ABCA13: variants seen among roughly 807,000 people sequenced by gnomAD.
ABCA13 encodes ATP-binding cassette sub-family A member 13.
In ABCA13, 476 loss-of-function variants were observed where a neutral mutation model predicts 478.7. That is an observed-to-expected ratio of 0.99 (90% confidence interval 0.92 to 1.07). The LOEUF (loss-of-function observed/expected upper bound fraction) is 1.07. ABCA13 is among the 50% of genes least tolerant of loss of function. The pLI is 0.00. For synonymous variants in ABCA13, 2,252 were observed against 2,158.9 expected, an observed-to-expected ratio of 1.04 and a Z score of -1.20; for missense variants, 6,060 against 5,910.6, an observed-to-expected ratio of 1.03 and a Z score of -0.83.
chr7:48,281,477 T>G, intron 19 of ABCA13, 25 bp downstream of exon 19: 2 of 1,560,290 alleles, frequency 1.3e-6, no homozygotes, highest in Non-Finnish European at 1.7e-6. Context: ...TAACAAGTGC[T>G]CTGCAATTGC....
At chr7:48,284,340 A>G (rs2128791923) in intron 19 of ABCA13, among the ~76,000 whole-genome samples, 1 of 152,284 alleles carries the variant, frequency 6.6e-6, no homozygotes, top group Non-Finnish European at 1.5e-5. Context: ...TTTTCTTTTA[A>G]GATAATCTGT....
At chr7:48,602,738 T>TG (rs1019773374) in intron 58 of ABCA13, among the ~76,000 whole-genome samples, 7 of 149,644 alleles carry the variant, frequency 4.7e-5, no homozygotes, top group African/African-American at 1.7e-4. Flanking sequence ...AAATTTAAAG[T>TG]GGTTTTTTTT....
chr7:48,578,268 A>T (rs566511786), intron 55 of ABCA13, among the ~76,000 whole-genome samples: 1 of 152,308 alleles, frequency 6.6e-6, no homozygotes, highest in East Asian at 1.9e-4. Flanking sequence ...ATTGTGAAGG[A>T]ATAAATAAAA....
intron 59 of ABCA13, among the ~76,000 whole-genome samples, chr7:48,620,039 G>A (rs1792982739): frequency 6.6e-6 from 1 of 152,168 alleles, no homozygotes; most frequent in African/African-American, 2.4e-5. Context: ...TAGGAATCAG[G>A]AGGCATTTGC....
At position 48,245,931 on chromosome 7, in the gene ABCA13, A is replaced by T. The variant is rs763154443; in HGVS notation, c.1560A>T (p.Gly520=). 3 of 1,613,592 alleles carry T rather than the reference A, an allele frequency of 1.9e-6. No homozygotes were observed. The highest frequency in any genetic ancestry group is 1.3e-5 in the African/African-American group (1 of 74,882). Residue 520 remains glycine, a synonymous_variant, in exon 13 of 62, where the codon GGA becomes GGT. Transcript: ENST00000435803. ...AGAAGGAGGTCTTTTTGCCGCCTGG[A>T]AACTCCAGCATATGGGGTGGTCTCC... The part of the protein sequence containing the change: ...FSEKEVFLPP[G]NSSIWGGLQG...
intron 59 of ABCA13, among the ~76,000 whole-genome samples, chr7:48,636,363 T>C (rs1402619774): frequency 1.3e-5 from 2 of 152,236 alleles, no homozygotes; most frequent in Non-Finnish European, 2.9e-5. Context: ...AGTTTGTAAT[T>C]AGTGTTTGAA....
chr7:48,339,783 C>T (rs1049521329), intron 29 of ABCA13, among the ~76,000 whole-genome samples: 1 of 152,162 alleles, frequency 6.6e-6, no homozygotes, highest in Non-Finnish European at 1.5e-5. Flanking sequence ...CCATATCATC[C>T]AGGTGAATGT....
At chr7:48,396,012 T>C (rs1816785927) in intron 38 of ABCA13, among the ~76,000 whole-genome samples, 1 of 152,250 alleles carries the variant, frequency 6.6e-6, no homozygotes, top group Admixed American at 6.5e-5. Flanking sequence ...GTCTTAGAGA[T>C]GTGAGTTGAA....
At chr7:48,518,989 A>G (rs1278585440) in intron 52 of ABCA13, among the ~76,000 whole-genome samples, 1 of 140,522 alleles carries the variant, frequency 7.1e-6, no homozygotes, top group African/African-American at 2.6e-5. Context: ...AACAGGCCCC[A>G]GTGTGTGTTG....
intron 56 of ABCA13, among the ~76,000 whole-genome samples, 180 bp from the exon 57 acceptor site, chr7:48,586,974 T>C (rs1323488345): frequency 6.6e-6 from 1 of 152,142 alleles, no homozygotes; most frequent in Non-Finnish European, 1.5e-5. Flanking sequence ...AACTCCCACC[T>C]GTTCACTCTC....
intron 27 of ABCA13, among the ~76,000 whole-genome samples, chr7:48,320,776 C>G (rs1803332559): frequency 6.6e-6 from 1 of 152,186 alleles, no homozygotes; most frequent in South Asian, 2.1e-4. Context: ...TTAGTCTGGG[C>G]TTCTAAGGGA....
intron 39 of ABCA13, 55 bp from the exon 40 acceptor site, chr7:48,410,465 G>A: frequency 6.3e-7 from 1 of 1,595,624 alleles, no homozygotes. Context: ...AGGAGGGAAG[G>A]TCCTCCTGGG....
Position 48,265,289 on chromosome 7 carries a change from A to G in ABCA13, c.2006-3691A>G, listed in dbSNP as rs535604653. On this transcript the variant is annotated intron_variant, in intron 15 of 61. Coordinates refer to ENST00000435803, the MANE Select transcript of ABCA13 (RefSeq NM_152701.5). ...TATTCTAGGTCATTTGCCTTTCCAT[A>G]TGAATTTTAGAATCTGCTTGTCAGT... is the stretch of plus-strand genomic sequence containing the variant. Among the ~76,000 whole-genome samples the G allele has an allele frequency of 5.3e-5, 8 of 151,702 alleles. No individual in the cohort carries two copies. In the East Asian group the frequency reaches 1.5e-3, roughly 29 times the overall value.
chr7:48,341,875 TTCTGATATATATATATATATCTTTCTG>T (rs1807252074), intron 29 of ABCA13, among the ~76,000 whole-genome samples: 1 of 138,748 alleles, frequency 7.2e-6, no homozygotes, highest in East Asian at 2.0e-4. Flanking sequence ...ATATATATCT[TTCTGATATATATATATATATCTTTCTG>T]ATATATATAT....
At chr7:48,450,807 A>T (rs1444504319) in intron 42 of ABCA13, among the ~76,000 whole-genome samples, 1 of 152,070 alleles carries the variant, frequency 6.6e-6, no homozygotes, top group Non-Finnish European at 1.5e-5. Flanking sequence ...ATTTCATCTT[A>T]AATTGCTTTA....
chr7:48,390,066 T>A (rs1215629474), intron 37 of ABCA13, among the ~76,000 whole-genome samples: 1 of 152,178 alleles, frequency 6.6e-6, no homozygotes, highest in Non-Finnish European at 1.5e-5. Context: ...GAAAAGCGTG[T>A]GAGTGTTTTT....
In ABCA13 at chr7:48,239,298, G is replaced by A. The variant is rs1425376441; in HGVS notation, c.955G>A (p.Glu319Lys). ...GTGTTCAGTCTTGTCTAGCACATCAGAGGATGAAGCTGAGAAATGGGGCCA... is the reference window on the plus strand; with the variant it reads ...GTGTTCAGTCTTGTCTAGCACATCAAAGGATGAAGCTGAGAAATGGGGCCA... ...MVCSVLSSTSEDEAEKWGHVG... is the reference protein window; with the variant it reads ...MVCSVLSSTSKDEAEKWGHVG... Residue 319 changes from glutamate to lysine, a missense_variant, in exon 9 of 62, where the codon GAG (glutamate) becomes AAG (lysine). This residue lies in a region of ABCA13 where 4,423 missense variants were observed against 4,309.1 expected (regional missense o/e 1.03). Coordinates refer to ENST00000435803, the MANE Select transcript of ABCA13 (RefSeq NM_152701.5). 2 of 1,613,888 alleles carry A rather than the reference G, an allele frequency of 1.2e-6. No homozygotes were observed. Among genetic ancestry groups the A allele is most frequent in the Non-Finnish European group, 1.7e-6 (2 of 1,179,882 alleles).
chr7:48,418,518 A>G (rs1820329295), intron 41 of ABCA13, among the ~76,000 whole-genome samples: 1 of 152,180 alleles, frequency 6.6e-6, no homozygotes, highest in Non-Finnish European at 1.5e-5. Flanking sequence ...TCTCTGGCCC[A>G]CTTTTTAAAA....
At chr7:48,484,477 A>G (rs542270448) in intron 47 of ABCA13, among the ~76,000 whole-genome samples, 1 of 152,384 alleles carries the variant, frequency 6.6e-6, no homozygotes, top group South Asian at 2.1e-4. Context: ...CCTAATTAGT[A>G]GAAGGAATCT....
Sources: allele counts gnomAD v4.1 joint callset (sites outside exome capture counted in the v4.1 genomes callset), GRCh38; gene constraint gnomAD v4.1.1; regional missense constraint gnomAD v4.1.1; transcripts MANE v1.5; gene names NCBI Gene and HGNC (gene_info 2026-07-23, HGNC 2026-07-21).